The following ITFG1 variants were observed in gnomAD, a reference collection of about 807,000 sequenced individuals.
ITFG1 encodes T-cell immunomodulatory protein.
A neutral mutation model predicts 81.8 loss-of-function variants in ITFG1; 34 were observed. That is an observed-to-expected ratio of 0.42 (90% CI 0.32 to 0.55). The LOEUF is 0.55. ITFG1 is among the 20% of genes least tolerant of loss of function. The pLI is 0.17. For missense variants in ITFG1, 672 were observed against 755.4 expected (o/e 0.89, Z 1.29); for synonymous variants, 285 against 270.6 (o/e 1.05, Z -0.52).
chr16:47,358,053 A>G (rs1380180507), intron 8 of ITFG1, among the ~76,000 whole-genome samples: 3 of 152,226 alleles, frequency 2.0e-5, no homozygotes, highest in African/African-American at 4.8e-5. Context: ...CATCACAGAC[A>G]TGGAATGAAA....
intron 14 of ITFG1, among the ~76,000 whole-genome samples, chr16:47,213,731 T>C (rs962286016): frequency 6.6e-6 from 1 of 152,212 alleles, no homozygotes; most frequent in Non-Finnish European, 1.5e-5. Flanking sequence ...TCTGGGTTAC[T>C]GAATACATCC....
intron 8 of ITFG1, 27 bp downstream of exon 8, chr16:47,365,752 CAAAAGCCTT>C (rs767751380): frequency 8.6e-7 from 1 of 1,168,012 alleles, no homozygotes; most frequent in South Asian, 1.3e-5. Flanking sequence ...ATTGGAAAGG[CAAAAGCCTT>C]TTTTTTTTTT....
intron 2 of ITFG1, among the ~76,000 whole-genome samples, chr16:47,456,721 A>G (rs1969458608): frequency 6.6e-6 from 1 of 151,734 alleles, no homozygotes; most frequent in Non-Finnish European, 1.5e-5. Context: ...AAGTGGGTAG[A>G]AAAACTTTTT....
chr16:47,438,780 C>T (rs2151613350), intron 5 of ITFG1, among the ~76,000 whole-genome samples: 1 of 152,330 alleles, frequency 6.6e-6, no homozygotes, highest in African/African-American at 2.4e-5. Flanking sequence ...CAGAGCACCT[C>T]TCCTCCTCCA....
At chr16:47,299,009 C>T (rs778462209) in intron 10 of ITFG1, among the ~76,000 whole-genome samples, 1 of 152,026 alleles carries the variant, frequency 6.6e-6, no homozygotes, top group Non-Finnish European at 1.5e-5. Context: ...ATGTACACAC[C>T]AGCCCTGAGA....
intron 14 of ITFG1, chr16:47,202,506 AT>A (rs1965438071): frequency 6.6e-6 from 1 of 152,152 alleles, no homozygotes; most frequent in African/African-American, 2.4e-5. Context: ...GTATTCTTTA[AT>A]GTTGTCCTAG....
At chr16:47,409,180 T>C (rs1485719356) in intron 6 of ITFG1, among the ~76,000 whole-genome samples, 3 of 151,098 alleles carry the variant, frequency 2.0e-5, no homozygotes, top group Non-Finnish European at 4.4e-5. Flanking sequence ...AGCTTTTGAC[T>C]TCTGCAATGA....
chr16:47,181,707 C>T (rs1277718999), intron 14 of ITFG1, among the ~76,000 whole-genome samples: 1 of 152,082 alleles, frequency 6.6e-6, no homozygotes, highest in Non-Finnish European at 1.5e-5. Flanking sequence ...TGAGAATGGG[C>T]CATGATGACA....
chr16:47,347,422 C>T (rs1382049801), intron 8 of ITFG1, among the ~76,000 whole-genome samples: 1 of 152,248 alleles, frequency 6.6e-6, no homozygotes, highest in Non-Finnish European at 1.5e-5. Flanking sequence ...GGGAGGGTCT[C>T]ACGCGCATGG....
In ITFG1 at chr16:47,422,046, T is replaced by C. The variant is rs1968957105; in HGVS notation, c.655+6758A>G. ...TGGATGCACAGTATTCCATGGTGTA[T>C]ATATGCCACATTTTCTTAACCCAGT... On this transcript the variant is annotated intron_variant, in intron 6 of 17. Coordinates refer to ENST00000320640, the MANE Select transcript of ITFG1 (RefSeq NM_030790.5). Among the ~76,000 whole-genome samples the C allele has an allele frequency of 1.3e-5, 2 of 152,266 alleles. 1 individual carries two copies. The highest frequency in any genetic ancestry group is 4.1e-4 in the South Asian group (2 of 4,832).
At chr16:47,275,269 A>G (rs1966385546) in intron 10 of ITFG1, among the ~76,000 whole-genome samples, 1 of 152,198 alleles carries the variant, frequency 6.6e-6, no homozygotes, top group East Asian at 1.9e-4. Context: ...TGAGAATCCC[A>G]GTCCTCTCCT....
At chr16:47,221,637 A>G (rs1176409177) in intron 13 of ITFG1, among the ~76,000 whole-genome samples, 2 of 152,226 alleles carry the variant, frequency 1.3e-5, no homozygotes, top group East Asian at 3.9e-4. Flanking sequence ...TCTATTGACT[A>G]GAATACTTTC....
Position 47,257,131 on chromosome 16 carries a change from T to C in ITFG1, c.1330+1501A>G, listed in dbSNP as rs143699427. The stretch of plus-strand genomic sequence containing the variant: ...GTCCACTCTCACCACTTATTCAATA[T>C]AGTAAATGAAAATTCTAGCCAGCAC... On this transcript the variant is annotated intron_variant, in intron 12 of 17. Transcript: ENST00000320640. Among the ~76,000 whole-genome samples the C allele has an allele frequency of 1.3e-4, 20 of 152,284 alleles. No individual in the cohort carries two copies. In the East Asian group the frequency reaches 3.7e-3, roughly 28 times the overall value.
At chr16:47,443,980 A>G (rs1228704492) in intron 5 of ITFG1, among the ~76,000 whole-genome samples, 1 of 152,182 alleles carries the variant, frequency 6.6e-6, no homozygotes, top group African/African-American at 2.4e-5. Flanking sequence ...CAATTTACAG[A>G]AAATATCTGC....
chr16:47,179,695 T>C (rs765297659), intron 14 of ITFG1, among the ~76,000 whole-genome samples: 10 of 152,178 alleles, frequency 6.6e-5, no homozygotes, highest in Admixed American at 3.9e-4. Flanking sequence ...AGAGAAGTGG[T>C]TAATACCTTT....
chr16:47,379,966 G>A lies in ITFG1; in HGVS notation c.656-4026C>T, dbSNP rs1968375072. On this transcript the variant is annotated intron_variant, in intron 6 of 17. Coordinates refer to ENST00000320640, the MANE Select transcript of ITFG1 (RefSeq NM_030790.5). ...GCTATTGCTAAGCTCAATTGAGGCA[G>A]TACAAGACAGATACAAAGGCTGAAC... Among the ~76,000 whole-genome samples, 3 of 147,836 alleles carry A rather than the reference G, an allele frequency of 2.0e-5. No individual in the cohort carries two copies. The South Asian group carries it at 6.4e-4, about 32-fold the overall frequency.
chr16:47,212,045 G>A (rs2151524502), intron 14 of ITFG1, among the ~76,000 whole-genome samples: 2 of 151,902 alleles, frequency 1.3e-5, no homozygotes, highest in Middle Eastern at 6.8e-3. Flanking sequence ...GCAGGCATGG[G>A]CTACCATGTT....
chr16:47,266,516 C>T (rs1027614188), intron 10 of ITFG1, among the ~76,000 whole-genome samples: 1 of 152,154 alleles, frequency 6.6e-6, no homozygotes, highest in African/African-American at 2.4e-5. Flanking sequence ...CTGCACCCAG[C>T]CAGACAGCTA....
At chr16:47,303,081 C>A (rs1044554923) in intron 10 of ITFG1, among the ~76,000 whole-genome samples, 1 of 152,056 alleles carries the variant, frequency 6.6e-6, no homozygotes, top group African/African-American at 2.4e-5. Flanking sequence ...ACCATGCTGG[C>A]TAACAAGGTG....
Sources: allele counts gnomAD v4.1 joint callset (sites outside exome capture counted in the v4.1 genomes callset), GRCh38; gene constraint gnomAD v4.1.1; transcripts MANE v1.5; gene names NCBI Gene and HGNC (gene_info 2026-07-23, HGNC 2026-07-21).